The following PRDX5 variants were observed in gnomAD, a reference collection of about 807,000 sequenced individuals.
PRDX5 encodes the protein peroxiredoxin 5.
PRDX5 carries 21 observed loss-of-function variants against 23.8 expected under a neutral mutation model. The observed-to-expected ratio is 0.88, with a 90% confidence interval of 0.63 to 1.27. The LOEUF is 1.27. PRDX5 is among the 50% of genes most tolerant of loss of function. The pLI, the probability that PRDX5 is intolerant of heterozygous loss-of-function variation, is 0.00. For synonymous variants in PRDX5, 111 were observed against 113.3 expected (o/e 0.98, Z 0.13); for missense variants, 261 against 270.6 (o/e 0.96, Z 0.25).
At chr11:64,321,520 G>C in intron 5 of PRDX5, 66 bp from the exon 6 acceptor site, 2 of 1,580,592 alleles carry the variant, frequency 1.3e-6, no homozygotes, top group East Asian at 4.5e-5. Context: ...GCTGTTCACT[G>C]CCTGTCTCCA....
At chr11:64,318,770 T>C (rs1043897484) in intron 1 of PRDX5, among the ~76,000 whole-genome samples, 2 of 151,790 alleles carry the variant, frequency 1.3e-5, no homozygotes, top group African/African-American at 4.8e-5. Context: ...CCAGCTATTG[T>C]ATTTTTAGTA....
At chr11:64,320,962 T>A (rs747564220) in intron 4 of PRDX5, 45 bp from the exon 5 acceptor site, 2 of 1,614,026 alleles carry the variant, frequency 1.2e-6, no homozygotes, top group Non-Finnish European at 1.7e-6. Context: ...TGGGGGCCCT[T>A]AGCCTCTTCA....
In PRDX5 at chr11:64,318,148, C is replaced by T. The variant is rs2035360691; in HGVS notation, c.-68C>T. 1 of 1,595,136 alleles carries T rather than the reference C, an allele frequency of 6.3e-7. No individual in the cohort carries two copies. Among genetic ancestry groups the T allele is most frequent in the South Asian group, 1.1e-5 (1 of 89,504 alleles). ...TCCGCAGGGTGTCGCCGCTGTGCCG[C>T]TAGCGGTGCCCCGCCTGCTGCGGTG... On this transcript the variant is annotated 5_prime_UTR_variant, in exon 1 of 6. Transcript: ENST00000265462.
Position 64,319,730 on chromosome 11 carries a change from C to G in PRDX5, c.172-4C>G, listed in dbSNP as rs1195819025. The stretch of plus-strand genomic sequence containing the variant: ...CCCCCTTACCCTGGAGTCCTTCCTT[C>G]TAGGTGGGAGATGCCATCCCAGCAG... On this transcript the variant is annotated splice_polypyrimidine_tract_variant and splice_region_variant and intron_variant, in intron 1 of 5. Transcript: ENST00000265462. 1.1e-5 allele frequency: 17 copies of G among 1,613,168 alleles called. No individual in the cohort carries two copies. The highest frequency in any genetic ancestry group is 1.4e-5 in the Non-Finnish European group (17 of 1,179,632).
At position 64,320,677 on chromosome 11, in the gene PRDX5, T is replaced by G. The variant is rs200655687; in HGVS notation, c.323T>G (p.Phe108Cys). The G allele has an allele frequency of 5.1e-5, 82 of 1,603,192 alleles. No homozygotes were observed. In the Admixed American group the frequency reaches 5.4e-4, roughly 11 times the overall value. Reference sequence around the variant, plus strand: ...CTTCCTCAGACACACCTGCCAGGGTTTGTGGAGCAGGCTGAGGCTCTGAAG... The same window carrying G: ...CTTCCTCAGACACACCTGCCAGGGTGTGTGGAGCAGGCTGAGGCTCTGAAG... ...PGCSKTHLPG[F>C]VEQAEALKAK... is the part of the protein sequence containing the mutation. The change falls in exon 3 of 6, where the codon TTT becomes TGT. Residue 108 changes from phenylalanine (F) to cysteine (C), a missense_variant. Phe to Cys is a radical substitution (Grantham distance 205, BLOSUM62 -2). Coordinates refer to ENST00000265462, the MANE Select transcript of PRDX5 (RefSeq NM_012094.5).
chr11:64,321,512 T>A (rs1165317023), intron 5 of PRDX5, 74 bp from the exon 6 acceptor site: 2 of 1,568,910 alleles, frequency 1.3e-6, no homozygotes, highest in Non-Finnish European at 1.7e-6. Flanking sequence ...GGCCCCTGGC[T>A]GTTCACTGCC....
rs1464295637 is a variant in PRDX5, at chr11:64,318,280, G to A, written c.65G>A (p.Gly22Asp). 6.2e-7 allele frequency: 1 copy of A among 1,612,514 alleles called. No homozygotes were observed. The highest frequency in any genetic ancestry group is 8.5e-7 in the Non-Finnish European group (1 of 1,179,910). ...GGCTATATACTCGTCGGTGGGGCCG[G>A]CGGTCAGTCTGCGGCAGCGGCAGCA... ...SAGYILVGGA[G>D]GQSAAAAARR... Residue 22 changes from glycine (G) to aspartate (D), a missense_variant, in exon 1 of 6, where the codon GGC (glycine) becomes GAC (aspartate). Coordinates refer to ENST00000265462, the MANE Select transcript of PRDX5 (RefSeq NM_012094.5).
At chr11:64,319,937 G>A in intron 2 of PRDX5, 69 bp downstream of exon 2, 3 of 1,561,866 alleles carry the variant, frequency 1.9e-6, no homozygotes, top group East Asian at 2.3e-5. Flanking sequence ...CCTCCACATA[G>A]TCCTGATAGG....
chr11:64,320,092 AG>A (rs537316266), intron 2 of PRDX5, among the ~76,000 whole-genome samples: 2 of 152,216 alleles, frequency 1.3e-5, no homozygotes, highest in Non-Finnish European at 2.9e-5. Context: ...AGTCTGGCCA[AG>A]ATGGTGAAAC....
intron 2 of PRDX5, among the ~76,000 whole-genome samples, chr11:64,320,190 A>C (rs984756924): frequency 1.1e-4 from 16 of 152,234 alleles, no homozygotes; most frequent in Middle Eastern, 3.4e-3. Context: ...TGAGGCAGAG[A>C]ATTGCTTGAA....
chr11:64,319,009 C>T (rs1412187179), intron 1 of PRDX5, among the ~76,000 whole-genome samples: 5 of 151,970 alleles, frequency 3.3e-5, no homozygotes, highest in Non-Finnish European at 7.4e-5. Flanking sequence ...CGAATTCCCA[C>T]CTTTCTGTCT....
intron 2 of PRDX5, among the ~76,000 whole-genome samples, chr11:64,320,268 G>A (rs1218694343): frequency 6.7e-6 from 1 of 150,292 alleles, no homozygotes; most frequent in Non-Finnish European, 1.5e-5. Context: ...GAAAGAGCGA[G>A]ACTCCGTCTC....
Position 64,320,883 on chromosome 11 carries a change from C to G in PRDX5, c.457C>G (p.Pro153Ala), listed in dbSNP as rs777024847. ...AEGKVRLLADPTGAFGKETDL... is the reference protein window; with the variant it reads ...AEGKVRLLADATGAFGKETDL... ...TCTGCAGGTTCGGCTCCTGGCTGATCCCACTGGGGCCTTTGGGAAGGTGAG... is the reference window on the plus strand; with the variant it reads ...TCTGCAGGTTCGGCTCCTGGCTGATGCCACTGGGGCCTTTGGGAAGGTGAG... Residue 153 changes from proline (P) to alanine (A), a missense_variant, in exon 4 of 6, where the codon CCC becomes GCC. By Grantham distance (27) the Pro-to-Ala change is conservative (BLOSUM62 -1). Transcript: ENST00000265462. The G allele has an allele frequency of 2.5e-6, 4 of 1,614,216 alleles. No individual in the cohort carries two copies. The highest frequency in any genetic ancestry group is 2.5e-6 in the Non-Finnish European group (3 of 1,180,036).
intron 1 of PRDX5, among the ~76,000 whole-genome samples, chr11:64,319,351 C>T (rs950785355): frequency 5.3e-5 from 8 of 152,174 alleles, no homozygotes; most frequent in African/African-American, 1.9e-4. Flanking sequence ...TGGCCAAGAT[C>T]CTCTCCCTCC....
Position 64,318,183 on chromosome 11 carries a change from A to T in PRDX5, c.-33A>T. The T allele has an allele frequency of 6.2e-7, 1 of 1,609,700 alleles. No homozygotes were observed. Among genetic ancestry groups the T allele is most frequent in the Non-Finnish European group, 8.5e-7 (1 of 1,178,890 alleles). ...CCCGCCTGCTGCGGTGGCACCAGCC[A>T]GGAGGCGGAGTGGAAGTGGCCGTGG... On this transcript the variant is annotated 5_prime_UTR_variant, in exon 1 of 6. Coordinates refer to ENST00000265462, the MANE Select transcript of PRDX5 (RefSeq NM_012094.5).
Position 64,321,020 on chromosome 11 carries a change from T to TA in PRDX5, c.492dup (p.Leu165ThrfsTer3). ...GTCTCTTCTTAGGAGACAGACTTAT[T>TA]ACTAGATGATTCGCTGGTGTCCATC... On this transcript the variant is annotated frameshift_variant, in exon 5 of 6. Transcript: ENST00000265462. LOFTEE classifies it high-confidence loss of function. 6.2e-7 allele frequency: 1 copy of TA among 1,614,168 alleles called. No individual in the cohort carries two copies. Among genetic ancestry groups the TA allele is most frequent in the Non-Finnish European group, 8.5e-7 (1 of 1,180,010 alleles).
chr11:64,320,177 G>A (rs893230770), intron 2 of PRDX5, among the ~76,000 whole-genome samples: 4 of 152,202 alleles, frequency 2.6e-5, no homozygotes, highest in African/African-American at 9.6e-5. Context: ...GTACTGGGGA[G>A]GCTGAGGCAG....
At position 64,320,717 on chromosome 11, in the gene PRDX5, G is replaced by C; in HGVS notation, c.363G>C (p.Gln121His). 6.2e-7 allele frequency: 1 copy of C among 1,613,870 alleles called. No individual in the cohort carries two copies. The highest frequency in any genetic ancestry group is 8.5e-7 in the Non-Finnish European group (1 of 1,179,752). ...AGGCTCTGAAGGCCAAGGGAGTCCAGGTGGTGGCCTGTCTGAGTGTTAATG... is the reference window on the plus strand; with the variant it reads ...AGGCTCTGAAGGCCAAGGGAGTCCACGTGGTGGCCTGTCTGAGTGTTAATG... Reference protein sequence around the residue: ...QAEALKAKGVQVVACLSVNDA... With the variant: ...QAEALKAKGVHVVACLSVNDA... Residue 121 changes from glutamine to histidine, a missense_variant, in exon 3 of 6, where the codon CAG (glutamine) becomes CAC (histidine). Coordinates refer to ENST00000265462, the MANE Select transcript of PRDX5 (RefSeq NM_012094.5).
Position 64,318,421 on chromosome 11 carries a change from A to G in PRDX5, c.171+35A>G, listed in dbSNP as rs200384441. 264 of 1,578,136 alleles carry G rather than the reference A, an allele frequency of 1.7e-4. 1 individual carries two copies. In the East Asian group the frequency reaches 5.8e-3, roughly 35 times the overall value. The stretch of plus-strand genomic sequence containing the variant: ...GGCCCGGCCGGGCCTGACATCCCCC[A>G]CTACCCCCATGGCAATCCCCGTCCC... On this transcript the variant is annotated intron_variant, in intron 1 of 5. Transcript: ENST00000265462.
Sources: allele counts gnomAD v4.1 joint callset (sites outside exome capture counted in the v4.1 genomes callset), GRCh38; gene constraint gnomAD v4.1.1; transcripts MANE v1.5; gene names NCBI Gene and HGNC (gene_info 2026-07-23, HGNC 2026-07-21).